The following SDK1 variants were observed in gnomAD, a reference collection of about 807,000 sequenced individuals.
SDK1 encodes the protein sidekick cell adhesion molecule 1.
SDK1 carries 157 observed loss-of-function variants against 245.5 expected under a neutral mutation model. The ratio of observed to expected loss-of-function variants is 0.64; its 90% CI spans 0.56 to 0.73. The LOEUF (loss-of-function observed/expected upper bound fraction) is 0.73, where lower values mean the gene tolerates loss of function less well. SDK1 is among the 30% of genes least tolerant of loss of function. SDK1 has a pLI of 0.00. For synonymous variants in SDK1, 1,647 were observed against 1,278.5 expected, an observed-to-expected ratio of 1.29 and a Z score of -6.15; for missense variants, 3,583 against 3,002.3, an observed-to-expected ratio of 1.19 and a Z score of -4.52.
intron 4 of SDK1, among the ~76,000 whole-genome samples, chr7:3,689,590 A>G: frequency 6.6e-6 from 1 of 152,234 alleles, no homozygotes; most frequent in East Asian, 1.9e-4. Flanking sequence ...GCCTGTAACT[A>G]AATGCCATCC....
intron 1 of SDK1, among the ~76,000 whole-genome samples, chr7:3,541,775 A>G (rs946829963): frequency 6.6e-5 from 10 of 152,324 alleles, no homozygotes; most frequent in East Asian, 1.9e-4. Context: ...CATCACCCCA[A>G]TGCATGACTT....
chr7:3,334,666 C>T (rs1262341407), intron 1 of SDK1, among the ~76,000 whole-genome samples: 2 of 152,152 alleles, frequency 1.3e-5, no homozygotes, highest in African/African-American at 4.8e-5. Flanking sequence ...TTGCTGGTGG[C>T]AGCTCATTCT....
At chr7:4,020,082 C>T (rs1364091938) in intron 17 of SDK1, among the ~76,000 whole-genome samples, 2 of 151,990 alleles carry the variant, frequency 1.3e-5, no homozygotes, top group African/African-American at 4.8e-5. Context: ...TCCTGGGCCA[C>T]GAGGATGAAC....
Position 4,268,867 on chromosome 7 carries a change from A to G in SDK1, c.*3483A>G, listed in dbSNP as rs1346456305. On this transcript the variant is annotated 3_prime_UTR_variant, in exon 45 of 45. Transcript: ENST00000404826. ...GTTTAGGGAGCCGTCAGGTCCCTAA[A>G]CGTTCCCTACAACTTTTTCTGAAAT... The G allele has an allele frequency of 6.8e-6, 4 of 586,508 alleles. No homozygotes were observed. The African/African-American group carries it at 7.8e-5, about 11-fold the overall frequency. The allele number at this position is 586,508 out of a possible 1,614,324, so 36.3% of individuals were successfully genotyped here. A position where few individuals can be genotyped will look rare whatever the true frequency, so the allele number is the denominator to read the frequency against.
chr7:4,128,736 T>G (rs1311821820), intron 26 of SDK1, among the ~76,000 whole-genome samples: 25 of 92,872 alleles, frequency 2.7e-4, no homozygotes, highest in South Asian at 8.0e-4. Context: ...TGCCCTGGAA[T>G]AGAGCAGCTT....
At chr7:4,243,263 A>G (rs562521983) in intron 43 of SDK1, among the ~76,000 whole-genome samples, 1 of 152,314 alleles carries the variant, frequency 6.6e-6, no homozygotes, top group East Asian at 1.9e-4. Context: ...GCTTCCTAGG[A>G]AAGAGAAACA....
rs186140859 is a variant in SDK1, at chr7:4,049,599, C to G, written c.2718+136C>G. Reference sequence around the variant, plus strand: ...ACAGGGCGTCTTGACCTTGGTGAGACCACCATTTATCCAAAGTCTTGGCAT... The same window carrying G: ...ACAGGGCGTCTTGACCTTGGTGAGAGCACCATTTATCCAAAGTCTTGGCAT... On this transcript the variant is annotated intron_variant, in intron 18 of 44. Transcript: ENST00000404826. The G allele has an allele frequency of 6.3e-6, 4 of 637,190 alleles. No individual in the cohort carries two copies. In the East Asian group the frequency reaches 1.1e-4, roughly 18 times the overall value. The allele number at this position is 637,190 out of a possible 1,614,324, so 39.5% of individuals were successfully genotyped here. A position where few individuals can be genotyped will look rare whatever the true frequency, so the allele number is the denominator to read the frequency against.
intron 5 of SDK1, among the ~76,000 whole-genome samples, chr7:3,878,635 A>G (rs986471642): frequency 1.3e-5 from 2 of 152,242 alleles, no homozygotes; most frequent in African/African-American, 2.4e-5. Context: ...AATCTTAAAT[A>G]TCATCTCATA....
chr7:4,037,113 A>G (rs1271768227), intron 17 of SDK1, among the ~76,000 whole-genome samples: 1 of 152,238 alleles, frequency 6.6e-6, no homozygotes, highest in African/African-American at 2.4e-5. Context: ...CTCTTTGGAC[A>G]GCCAATGCTT....
chr7:3,488,887 C>A (rs1310062657), intron 1 of SDK1, among the ~76,000 whole-genome samples: 1 of 149,680 alleles, frequency 6.7e-6, no homozygotes, highest in Non-Finnish European at 1.5e-5. Flanking sequence ...TTCTCTCTTT[C>A]CCTTCATTCC....
chr7:3,575,011 A>T (rs1361537385), intron 1 of SDK1, among the ~76,000 whole-genome samples: 2 of 152,044 alleles, frequency 1.3e-5, no homozygotes, highest in Non-Finnish European at 2.9e-5. Flanking sequence ...TGCTGGAATC[A>T]TCACAGCCTC....
intron 44 of SDK1, among the ~76,000 whole-genome samples, chr7:4,252,882 G>C (rs574446472): frequency 6.7e-6 from 1 of 149,348 alleles, no homozygotes. Context: ...TCTTTCTAAG[G>C]ATTTTTAATG....
At chr7:4,220,353 C>T (rs1584475527) in intron 39 of SDK1, 83 bp downstream of exon 39, 1 of 1,446,178 alleles carries the variant, frequency 6.9e-7, no homozygotes, top group East Asian at 2.3e-5. Context: ...GATCCATCTA[C>T]ATGGTCAACA....
At chr7:3,966,736 A>G (rs557304249) in intron 9 of SDK1, among the ~76,000 whole-genome samples, 1 of 152,004 alleles carries the variant, frequency 6.6e-6, no homozygotes, top group African/African-American at 2.4e-5. Flanking sequence ...CCCAGGCTGT[A>G]GTACAGTGGC....
intron 38 of SDK1, 104 bp downstream of exon 38, chr7:4,210,266 C>G: frequency 3.4e-6 from 4 of 1,170,978 alleles, no homozygotes; most frequent in Non-Finnish European, 3.3e-6. Flanking sequence ...GGGCCAGGAG[C>G]CTTCTGGCGC....
chr7:3,322,098 G>T (rs1165381227), intron 1 of SDK1, among the ~76,000 whole-genome samples: 1 of 151,204 alleles, frequency 6.6e-6, no homozygotes, highest in African/African-American at 2.4e-5. Context: ...CATCCAGAGT[G>T]CTGTGTGATC....
chr7:4,128,353 A>G (rs1784530057), intron 26 of SDK1, among the ~76,000 whole-genome samples: 1 of 152,172 alleles, frequency 6.6e-6, no homozygotes, highest in Non-Finnish European at 1.5e-5. Flanking sequence ...GACACATGGC[A>G]GTCCCGTTGA....
At chr7:3,492,989 C>A (rs190699716) in intron 1 of SDK1, among the ~76,000 whole-genome samples, 1 of 152,118 alleles carries the variant, frequency 6.6e-6, no homozygotes, top group Non-Finnish European at 1.5e-5. Context: ...CTTGCTCTCT[C>A]GCCCAGGCTG....
chr7:4,076,522 C>A, intron 20 of SDK1, among the ~76,000 whole-genome samples: 1 of 152,160 alleles, frequency 6.6e-6, no homozygotes, highest in East Asian at 1.9e-4. Context: ...CACCATTGCA[C>A]TTCAGCCTGG....
Sources: gnomAD v4.1 joint callset for allele counts (sites outside exome capture counted in the v4.1 genomes callset) on GRCh38, gnomAD v4.1.1 for gene constraint, MANE v1.5 for transcripts, NCBI Gene and HGNC (gene_info 2026-07-23, HGNC 2026-07-21) for gene names.